Variants in ST6GAL2 observed in about 807,000 individuals in gnomAD.
The protein encoded by ST6GAL2 is ST6 beta-galactoside alpha-2,6-sialyltransferase 2, also known as beta-galactoside alpha-2,6-sialyltransferase 2.
ST6GAL2 carries 24 observed loss-of-function variants against 37.5 expected under a neutral mutation model. That is an observed-to-expected ratio of 0.64 (90% CI 0.46 to 0.90). The LOEUF (loss-of-function observed/expected upper bound fraction) is 0.90, where lower values mean the gene tolerates loss of function less well. Among genes scored for constraint, ST6GAL2 ranks in the 40% least tolerant of loss-of-function variants. The pLI is 0.00. For synonymous variants in ST6GAL2, 306 were observed against 295.1 expected (o/e 1.04, Z -0.38); for missense variants, 715 against 712.7 (o/e 1.00, Z -0.04).
At chr2:106,815,337 C>T (rs1445743852) in intron 5 of ST6GAL2, among the ~76,000 whole-genome samples, 1 of 152,186 alleles carries the variant, frequency 6.6e-6, no homozygotes, top group East Asian at 1.9e-4. Context: ...ACTTACTGCA[C>T]ATAATTTGTA....
intron 1 of ST6GAL2, among the ~76,000 whole-genome samples, chr2:106,851,611 A>G (rs1677361817): frequency 6.6e-6 from 1 of 151,946 alleles, no homozygotes; most frequent in African/African-American, 2.4e-5. Flanking sequence ...TGTCCCTCTT[A>G]AGCCTTGTGG....
upstream of ST6GAL2, chr2:106,886,305 G>A (rs560396623): frequency 6.6e-6 from 1 of 152,348 alleles, no homozygotes; most frequent in Admixed American, 6.5e-5. Context: ...GCGGAACTTG[G>A]GGGCTGCAGA....
chr2:106,868,766 T>C (rs1361624031), intron 1 of ST6GAL2, among the ~76,000 whole-genome samples: 3 of 151,818 alleles, frequency 2.0e-5, no homozygotes, highest in Non-Finnish European at 4.4e-5. Flanking sequence ...AGAGACAACA[T>C]CATAGGTCAA....
chr2:106,812,262 G>A (rs188458156), intron 5 of ST6GAL2, among the ~76,000 whole-genome samples: 4 of 152,174 alleles, frequency 2.6e-5, no homozygotes, highest in Admixed American at 6.5e-5. Context: ...GCTCTCTAAC[G>A]TCTCACCTCC....
rs1472817968 is a variant in ST6GAL2, at chr2:106,846,793, T to A, written c.-57-2759A>T. ...TGCCAAGAAGCGAGCGTAGAAGAAT[T>A]AATACCCGCAGTTAGCTTACTATAT... On this transcript the variant is annotated intron_variant, in intron 1 of 5. Coordinates refer to ENST00000409382, the MANE Select transcript of ST6GAL2 (RefSeq NM_001142351.2). 3.3e-5 allele frequency among the ~76,000 whole-genome samples: 5 copies of A among 152,340 alleles called. No individual in the cohort carries two copies. The East Asian group carries it at 9.6e-4, about 29-fold the overall frequency.
At chr2:106,834,017 A>G (rs1280290510) in intron 3 of ST6GAL2, 32 bp downstream of exon 3, 1 of 1,513,678 alleles carries the variant, frequency 6.6e-7, no homozygotes, top group Non-Finnish European at 9.2e-7. Flanking sequence ...CCTAAGAAAC[A>G]TACATCCATG....
chr2:106,834,567 G>A (rs938262629), intron 2 of ST6GAL2: 1 of 153,720 alleles, frequency 6.5e-6, no homozygotes, highest in Non-Finnish European at 1.4e-5. Context: ...AAGAAAGCCA[G>A]CCCTGCAAGG....
At chr2:106,872,015 A>T (rs188346433) in intron 1 of ST6GAL2, among the ~76,000 whole-genome samples, 77 of 152,348 alleles carry the variant, frequency 5.1e-4, no homozygotes, top group South Asian at 2.1e-4. Context: ...TATGACTGGC[A>T]TATAGTAGGT....
intron 1 of ST6GAL2, among the ~76,000 whole-genome samples, chr2:106,881,571 TA>T (rs1456132863): frequency 1.3e-5 from 2 of 152,228 alleles, no homozygotes; most frequent in Non-Finnish European, 1.5e-5. Context: ...TTTTACATTT[TA>T]CTTCTGAATA....
At chr2:106,850,888 A>G (rs888628294) in intron 1 of ST6GAL2, among the ~76,000 whole-genome samples, 6 of 152,252 alleles carry the variant, frequency 3.9e-5, no homozygotes, top group Non-Finnish European at 8.8e-5. Context: ...CTGGTGTGAT[A>G]TAAATGACAT....
chr2:106,872,023 G>C (rs372416381), intron 1 of ST6GAL2, among the ~76,000 whole-genome samples: 1 of 152,156 alleles, frequency 6.6e-6, no homozygotes, highest in Admixed American at 6.5e-5. Flanking sequence ...GCATATAGTA[G>C]GTTTGTTTAT....
chr2:106,877,733 C>A (rs1678565870), intron 1 of ST6GAL2, among the ~76,000 whole-genome samples: 1 of 152,222 alleles, frequency 6.6e-6, no homozygotes, highest in African/African-American at 2.4e-5. Flanking sequence ...TTCTACCCAC[C>A]ATATATACAT....
intron 1 of ST6GAL2, among the ~76,000 whole-genome samples, chr2:106,851,454 A>G (rs1677354736): frequency 6.6e-6 from 1 of 152,236 alleles, no homozygotes; most frequent in South Asian, 2.1e-4. Context: ...CAAAAGGCAC[A>G]ATTTATTACG....
intron 3 of ST6GAL2, among the ~76,000 whole-genome samples, chr2:106,833,218 CT>C (rs1676494197): frequency 6.6e-6 from 1 of 151,626 alleles, no homozygotes; most frequent in Admixed American, 6.6e-5. Flanking sequence ...TTACGATGTA[CT>C]TTTTTCCTTC....
intron 1 of ST6GAL2, among the ~76,000 whole-genome samples, chr2:106,874,516 A>G (rs905794382): frequency 6.6e-6 from 1 of 152,130 alleles, no homozygotes; most frequent in Non-Finnish European, 1.5e-5. Flanking sequence ...AAGAGAATGC[A>G]GCACAATCGA....
chr2:106,813,457 C>A (rs553573000), intron 5 of ST6GAL2, among the ~76,000 whole-genome samples: 2 of 152,110 alleles, frequency 1.3e-5, no homozygotes, highest in Non-Finnish European at 2.9e-5. Context: ...GAATAAAAGG[C>A]AAACTTTAAC....
intron 3 of ST6GAL2, 49 bp downstream of exon 3, chr2:106,834,000 A>G (rs769964281): frequency 7.3e-7 from 1 of 1,378,486 alleles, no homozygotes; most frequent in Admixed American, 1.7e-5. Context: ...TCACTCATCC[A>G]GTTAAACCTA....
chr2:106,868,615 T>A (rs755616601), intron 1 of ST6GAL2, among the ~76,000 whole-genome samples: 1 of 152,152 alleles, frequency 6.6e-6, no homozygotes, highest in African/African-American at 2.4e-5. Context: ...TGCTAATACT[T>A]AGAACTGCCG....
chr2:106,810,969 A>ATAAATAAATAAC (rs1462378982), intron 5 of ST6GAL2, among the ~76,000 whole-genome samples: 9 of 152,138 alleles, frequency 5.9e-5, no homozygotes, highest in Admixed American at 4.6e-4. Flanking sequence ...AAATAAATAA[A>ATAAATAAATAAC]TAATAAAACT....
Sources: allele counts gnomAD v4.1 joint callset (sites outside exome capture counted in the v4.1 genomes callset), GRCh38; gene constraint gnomAD v4.1.1; transcripts MANE v1.5; gene names NCBI Gene and HGNC (gene_info 2026-07-23, HGNC 2026-07-21).